Variants in ZNF141 observed in about 807,000 individuals in gnomAD.
The protein encoded by ZNF141 is zinc finger protein 141 (clone pHZ-44).
In ZNF141, 7 loss-of-function variants were observed where a neutral mutation model predicts 11.3. The ratio of observed to expected loss-of-function variants is 0.62; its 90% CI spans 0.35 to 1.16. ZNF141 has a LOEUF of 1.16. Ranked by LOEUF, ZNF141 falls within the 50% of genes most tolerant of loss-of-function variation. ZNF141 has a pLI of 0.02. For missense variants in ZNF141, 535 were observed against 554.0 expected (o/e 0.97, Z 0.34); for synonymous variants, 183 against 190.7 (o/e 0.96, Z 0.33).
rs1581633003 is a variant in ZNF141 at position 377,062 on chromosome 4, ATTAAG to A, written c.*3204_*3208del. On this transcript the variant is annotated 3_prime_UTR_variant, in exon 4 of 4. Transcript: ENST00000240499. Reference sequence around the variant, plus strand: ...TTAGATGTAATTTCATAATATATGTATTAAGTTATTTTAGTTAGAACATTTCATTT... The same window carrying A: ...TTAGATGTAATTTCATAATATATGTATTATTTTAGTTAGAACATTTCATTT... Among the ~76,000 whole-genome samples the A allele has an allele frequency of 6.6e-6, 1 of 152,316 alleles. No individual in the cohort carries two copies.
rs782668414 is a variant in ZNF141, at chr4:383,208, T to C, written c.*9346T>C. The C allele has an allele frequency of 1.4e-6, 1 of 696,428 alleles. No homozygotes were observed. Among genetic ancestry groups the C allele is most frequent in the Non-Finnish European group, 2.6e-6 (1 of 382,834 alleles). The allele number at this position is 696,428 out of a possible 1,614,324, so 43.1% of individuals were successfully genotyped here. A position where few individuals can be genotyped will look rare whatever the true frequency, so the allele number is the denominator to read the frequency against. On this transcript the variant is annotated 3_prime_UTR_variant, in exon 4 of 4. Transcript: ENST00000240499. The stretch of plus-strand genomic sequence containing the variant: ...GCTCACTCACAGAAGCAGAGCCACC[T>C]AATTCACCAGCATCTAACCACTCAC...
chr4:342,781 A>G lies in ZNF141; in HGVS notation c.4-1001A>G, dbSNP rs1402638988. The G allele has an allele frequency of 1.4e-5, 22 of 1,546,734 alleles. No individual in the cohort carries two copies. The Admixed American group carries it at 3.7e-4, about 26-fold the overall frequency. ...TTATTTTTGATTGTTGTTGTCCCAG[A>G]TTTATTGAAAATAATACAGCACTAC... On this transcript the variant is annotated intron_variant, in intron 1 of 3. Coordinates refer to ENST00000240499, the MANE Select transcript of ZNF141 (RefSeq NM_003441.4).
chr4:352,025 C>T (rs914706254), intron 3 of ZNF141, among the ~76,000 whole-genome samples: 1 of 151,956 alleles, frequency 6.6e-6, no homozygotes, highest in Admixed American at 6.6e-5. Flanking sequence ...AAGCATAAGA[C>T]CTGAAGTCAT....
chr4:348,806 G>A (rs201166109), intron 3 of ZNF141, among the ~76,000 whole-genome samples: 7 of 151,468 alleles, frequency 4.6e-5, no homozygotes, highest in East Asian at 3.9e-4. Context: ...ATTAAAAGTC[G>A]TTTAAGGTTA....
rs553494912 is a variant in ZNF141 at position 374,530 on chromosome 4, A to C, written c.*668A>C. On this transcript the variant is annotated 3_prime_UTR_variant, in exon 4 of 4. Coordinates refer to ENST00000240499, the MANE Select transcript of ZNF141 (RefSeq NM_003441.4). ...GTGCACAAGATAATTCATTCTGGGG[A>C]AAAAAATGCTACAAATGTGAAAAAC... 33 of 180,296 alleles carry C rather than the reference A, an allele frequency of 1.8e-4. No individual in the cohort carries two copies. The highest frequency in any genetic ancestry group is 3.9e-4 in the Non-Finnish European group (32 of 81,636). 11.2% of individuals were successfully genotyped at this position (180,296 alleles called of 1,614,324 possible). A position where few individuals can be genotyped will look rare whatever the true frequency, so the allele number is the denominator to read the frequency against.
In ZNF141 at chr4:373,707, A is replaced by G. The variant is rs782812047; in HGVS notation, c.1270A>G (p.Lys424Glu). 7.4e-6 allele frequency: 12 copies of G among 1,614,072 alleles called. No homozygotes were observed. The East Asian group carries it at 2.4e-4, about 33-fold the overall frequency. The change falls in exon 4 of 4, where the codon AAA becomes GAA. Residue 424 changes from lysine (K) to glutamate (E), a missense_variant. Physicochemically the swap from Lys to Glu is moderately conservative, Grantham distance 56. Transcript: ENST00000240499. Reference sequence around the variant, plus strand: ...AATTCATAGTGCAGATAAACCCTACAAATGTAAAGAATGTGACAAAGCCTT... The same window carrying G: ...AATTCATAGTGCAGATAAACCCTACGAATGTAAAGAATGTGACAAAGCCTT... ...KKIHSADKPY[K>E]CKECDKAFKQ... is the part of the protein sequence containing the mutation.
At chr4:338,291 G>C in intron 1 of ZNF141, 2 of 377,454 alleles carry the variant, frequency 5.3e-6, no homozygotes, top group Non-Finnish European at 4.9e-6. Context: ...GGGAGGAGCT[G>C]TGGGAGAAGC....
At chr4:366,763 C>G (rs1334160996) in intron 3 of ZNF141, among the ~76,000 whole-genome samples, 4 of 152,222 alleles carry the variant, frequency 2.6e-5, no homozygotes, top group African/African-American at 9.6e-5. Context: ...CAACCTCTGC[C>G]TCCTAGGTTC....
chr4:369,262 C>T (rs1711907185), intron 3 of ZNF141, among the ~76,000 whole-genome samples: 2 of 151,994 alleles, frequency 1.3e-5, no homozygotes, highest in African/African-American at 2.4e-5. Flanking sequence ...TAATGTCTTC[C>T]TTTGCCCCTT....
At chr4:346,779 G>A (rs1448848186) in intron 3 of ZNF141, among the ~76,000 whole-genome samples, 1 of 151,526 alleles carries the variant, frequency 6.6e-6, no homozygotes, top group Admixed American at 6.6e-5. Context: ...GTCTATCCAT[G>A]TTGTAAATGG....
At chr4:350,372 C>T in intron 3 of ZNF141, 1 of 352,488 alleles carries the variant, frequency 2.8e-6, no homozygotes, top group East Asian at 7.6e-5. Flanking sequence ...TGGAATCATG[C>T]ATTGTCACTT....
chr4:350,934 A>C (rs1223985974), intron 3 of ZNF141, among the ~76,000 whole-genome samples: 4 of 149,918 alleles, frequency 2.7e-5, no homozygotes, highest in Admixed American at 1.3e-4. Flanking sequence ...TTTTTTTAGT[A>C]GAGACGGGGT....
chr4:363,745 G>A (rs1219334199), intron 3 of ZNF141, among the ~76,000 whole-genome samples: 3 of 149,232 alleles, frequency 2.0e-5, no homozygotes, highest in Non-Finnish European at 4.4e-5. Flanking sequence ...ACGACACAGT[G>A]AGACTCTGTC....
intron 3 of ZNF141, among the ~76,000 whole-genome samples, chr4:352,896 A>G (rs1208498435): frequency 6.6e-6 from 1 of 152,142 alleles, no homozygotes; most frequent in Non-Finnish European, 1.5e-5. Context: ...GTTGCTCAGA[A>G]GTGTAGGTGG....
chr4:337,846 T>G lies in ZNF141; in HGVS notation c.-138T>G. The G allele has an allele frequency of 2.6e-6, 3 of 1,176,292 alleles. No individual in the cohort carries two copies. Among genetic ancestry groups the G allele is most frequent in the Non-Finnish European group, 3.7e-6 (3 of 803,654 alleles). 72.9% of individuals were successfully genotyped at this position (1,176,292 alleles called of 1,614,324 possible). A position where few individuals can be genotyped will look rare whatever the true frequency, so the allele number is the denominator to read the frequency against. On this transcript the variant is annotated 5_prime_UTR_variant, in exon 1 of 4. Coordinates refer to ENST00000240499, the MANE Select transcript of ZNF141 (RefSeq NM_003441.4). Reference sequence around the variant, plus strand: ...CGTCTGGCTACTACCAGACCGCGGGTTAGGGGCTTCATCTCTCTGCGTTCT... The same window carrying G: ...CGTCTGGCTACTACCAGACCGCGGGGTAGGGGCTTCATCTCTCTGCGTTCT...
At chr4:342,005 G>C (rs1721072649) in intron 1 of ZNF141, among the ~76,000 whole-genome samples, 1 of 152,096 alleles carries the variant, frequency 6.6e-6, no homozygotes, top group Admixed American at 6.6e-5. Context: ...AAATTCCTCT[G>C]AATTGTACTT....
intron 3 of ZNF141, among the ~76,000 whole-genome samples, chr4:367,146 G>A (rs529033270): frequency 7.9e-5 from 12 of 152,160 alleles, no homozygotes; most frequent in Admixed American, 7.9e-4. Flanking sequence ...TTGAGATCTG[G>A]AACAGGACAA....
intron 1 of ZNF141, chr4:342,693 C>G (rs533146380): frequency 1.1e-6 from 1 of 919,414 alleles, no homozygotes; most frequent in South Asian, 1.4e-5. Context: ...TGAAGAGAAA[C>G]CATCAGCTGT....
rs1254378001 is a variant in ZNF141, at chr4:384,112, TAAACTC to T, written c.*10252_*10257del. On this transcript the variant is annotated 3_prime_UTR_variant, in exon 4 of 4. Transcript: ENST00000240499. ...TATGTGGATGCATGTGATTGGTACT[TAAACTC>T]ACACAGTGCCCCATACCACAGGAGA... 8 of 152,220 alleles carry T rather than the reference TAAACTC, an allele frequency of 5.3e-5. No homozygotes were observed. The highest frequency in any genetic ancestry group is 1.2e-4 in the Non-Finnish European group (8 of 68,058). 9.4% of individuals were successfully genotyped at this position (152,220 alleles called of 1,614,324 possible).
Sources: gnomAD v4.1 joint callset for allele counts (sites outside exome capture counted in the v4.1 genomes callset) on GRCh38, gnomAD v4.1.1 for gene constraint, MANE v1.5 for transcripts, NCBI Gene and HGNC (gene_info 2026-07-23, HGNC 2026-07-21) for gene names.